The following UBE2R2 variants were observed in gnomAD, a reference collection of about 807,000 sequenced individuals.
UBE2R2 encodes the protein ubiquitin-conjugating enzyme E2 R2.
UBE2R2 carries 1 observed loss-of-function variant against 27.8 expected under a neutral mutation model. The observed-to-expected ratio is 0.04, with a 90% CI of 0.01 to 0.17. The LOEUF (loss-of-function observed/expected upper bound fraction) is 0.17. Ranked by LOEUF, UBE2R2 falls within the 10% of genes least tolerant of loss-of-function variation. The pLI is 1.00. For synonymous variants in UBE2R2, 106 were observed against 113.3 expected, an observed-to-expected ratio of 0.94 and a Z score of 0.41; for missense variants, 100 against 291.0, an observed-to-expected ratio of 0.34 and a Z score of 4.78.
At chr9:33,897,775 CTTTTTTTT>C (rs35277355) in intron 2 of UBE2R2, among the ~76,000 whole-genome samples, 1 of 127,978 alleles carries the variant, frequency 7.8e-6, no homozygotes, top group Non-Finnish European at 1.6e-5. Context: ...TTTCTTTTTT[CTTTTTTTT>C]TTTTTTTTTG....
At chr9:33,868,195 A>G (rs1345273021) in intron 1 of UBE2R2, among the ~76,000 whole-genome samples, 2 of 152,094 alleles carry the variant, frequency 1.3e-5, no homozygotes, top group East Asian at 3.9e-4. Context: ...TCCTATGCTC[A>G]GCTGCTTGTA....
intron 1 of UBE2R2, among the ~76,000 whole-genome samples, chr9:33,818,948 AT>A (rs200206743): frequency 4.0e-5 from 6 of 151,066 alleles, no homozygotes; most frequent in Non-Finnish European, 3.0e-5. Context: ...GAATCTAATG[AT>A]TTTTTTTTAA....
At chr9:33,870,159 T>A (rs10971752) in intron 1 of UBE2R2, among the ~76,000 whole-genome samples, 28,359 of 151,930 alleles carry the variant, frequency 0.19, 3,534 homozygotes, top group East Asian at 0.59. Flanking sequence ...TTTTATTTTT[T>A]TGAGATCGAA....
intron 1 of UBE2R2, among the ~76,000 whole-genome samples, chr9:33,861,613 C>T (rs117105534): frequency 1.4e-3 from 207 of 151,570 alleles, no homozygotes; most frequent in Middle Eastern, 6.8e-3. Flanking sequence ...TTTGAACAAG[C>T]TAGTCTTCAT....
intron 1 of UBE2R2, among the ~76,000 whole-genome samples, chr9:33,883,575 G>T (rs1459492962): frequency 1.3e-5 from 2 of 151,922 alleles, no homozygotes; most frequent in Non-Finnish European, 2.9e-5. Context: ...ATTTAGCTGG[G>T]TGTGGTGGCA....
chr9:33,821,350 G>T (rs1246300313), intron 1 of UBE2R2, among the ~76,000 whole-genome samples: 3 of 151,970 alleles, frequency 2.0e-5, no homozygotes, highest in Non-Finnish European at 2.9e-5. Flanking sequence ...GTGAGGTAGG[G>T]TCTCACTATT....
At chr9:33,873,225 C>T (rs1821527233) in intron 1 of UBE2R2, among the ~76,000 whole-genome samples, 1 of 139,010 alleles carries the variant, frequency 7.2e-6, no homozygotes. Context: ...ACTACTTTAA[C>T]TTAATTAAAT....
chr9:33,864,590 C>T (rs1206923877), intron 1 of UBE2R2, among the ~76,000 whole-genome samples: 1 of 152,118 alleles, frequency 6.6e-6, no homozygotes, highest in African/African-American at 2.4e-5. Context: ...TGCTTTGTCG[C>T]CCAGGGTGGA....
intron 4 of UBE2R2, among the ~76,000 whole-genome samples, chr9:33,912,603 G>A (rs576096401): frequency 3.3e-5 from 5 of 149,844 alleles, no homozygotes; most frequent in Admixed American, 2.0e-4. Flanking sequence ...CAGCCTGGGC[G>A]ACAGTGCGAG....
chr9:33,892,286 C>T (rs892318408), intron 2 of UBE2R2, among the ~76,000 whole-genome samples: 2 of 152,168 alleles, frequency 1.3e-5, no homozygotes, highest in African/African-American at 4.8e-5. Context: ...ATATTTTTCA[C>T]AAACTGTATT....
chr9:33,864,941 C>G (rs1202948835), intron 1 of UBE2R2, among the ~76,000 whole-genome samples: 3 of 152,100 alleles, frequency 2.0e-5, no homozygotes, highest in Non-Finnish European at 4.4e-5. Context: ...GCTGGCTGGT[C>G]TTGAACTCCT....
intron 2 of UBE2R2, among the ~76,000 whole-genome samples, chr9:33,893,402 C>T (rs1418360641): frequency 1.3e-5 from 2 of 152,126 alleles, no homozygotes; most frequent in African/African-American, 4.8e-5. Context: ...GTACTTCATT[C>T]CTCTTCATGG....
Position 33,917,486 on chromosome 9 carries a change from C to G in UBE2R2, c.*249C>G, listed in dbSNP as rs1462161886. ...TTACCCTTCCATCACTATATTGATT[C>G]TTTTTTTAAAAAATATGAACCCAAA... On this transcript the variant is annotated 3_prime_UTR_variant, in exon 5 of 5. Coordinates refer to ENST00000263228, the MANE Select transcript of UBE2R2 (RefSeq NM_017811.4). The G allele has an allele frequency of 1.7e-6, 1 of 571,708 alleles. No homozygotes were observed. Among genetic ancestry groups the G allele is most frequent in the South Asian group, 2.8e-5 (1 of 35,368 alleles). 35.4% of individuals were successfully genotyped at this position (571,708 alleles called of 1,614,324 possible). A position where few individuals can be genotyped will look rare whatever the true frequency, so the allele number is the denominator to read the frequency against.
chr9:33,837,727 G>GT (rs1820646194), intron 1 of UBE2R2, among the ~76,000 whole-genome samples: 1 of 151,994 alleles, frequency 6.6e-6, no homozygotes, highest in African/African-American at 2.4e-5. Flanking sequence ...GCCTGTTCTT[G>GT]TTTTTTAATA....
chr9:33,820,104 C>CAAACA (rs201092112), intron 1 of UBE2R2, among the ~76,000 whole-genome samples: 9 of 152,002 alleles, frequency 5.9e-5, no homozygotes, highest in Non-Finnish European at 8.8e-5. Flanking sequence ...AAAACAAGAG[C>CAAACA]AAACAAAACA....
At chr9:33,828,435 G>A (rs184717583) in intron 1 of UBE2R2, among the ~76,000 whole-genome samples, 3 of 142,674 alleles carry the variant, frequency 2.1e-5, no homozygotes, top group Admixed American at 7.3e-5. Context: ...TGTCGTCCAC[G>A]CTGGAGTGCA....
In UBE2R2 at chr9:33,817,773, A is replaced by G; in HGVS notation, c.16A>G (p.Met6Val). MAQQQMTSSQKALMLE... is the reference protein window; with the variant it reads MAQQQVTSSQKALMLE... ...CGCCGCCGCGATGGCCCAGCAGCAG[A>G]TGACCAGCTCGCAGAAGGCCCTGAT... The change falls in exon 1 of 5, where the codon ATG becomes GTG. Residue 6 changes from methionine to valine, a missense_variant. Transcript: ENST00000263228. The G allele has an allele frequency of 6.3e-7, 1 of 1,590,248 alleles. No homozygotes were observed. The highest frequency in any genetic ancestry group is 8.6e-7 in the Non-Finnish European group (1 of 1,169,142).
intron 3 of UBE2R2, among the ~76,000 whole-genome samples, chr9:33,901,562 T>C (rs1822245965): frequency 1.3e-5 from 2 of 152,142 alleles, no homozygotes; most frequent in Non-Finnish European, 2.9e-5. Context: ...TTTATTTGTT[T>C]ATTCAATCAT....
At chr9:33,885,008 G>T (rs1256553452) in intron 1 of UBE2R2, among the ~76,000 whole-genome samples, 2 of 152,132 alleles carry the variant, frequency 1.3e-5, no homozygotes, top group Non-Finnish European at 2.9e-5. Context: ...TCAGCTTAGT[G>T]GTCAGGTAAT....
Sources: allele counts gnomAD v4.1 joint callset (sites outside exome capture counted in the v4.1 genomes callset), GRCh38; gene constraint gnomAD v4.1.1; transcripts MANE v1.5; gene names NCBI Gene and HGNC (gene_info 2026-07-23, HGNC 2026-07-21).